CSGALNACT1: variants seen among roughly 807,000 people sequenced by gnomAD.
CSGALNACT1 encodes chondroitin sulfate N-acetylgalactosaminyltransferase 1.
Under a neutral mutation model 51.0 loss-of-function variants are expected in CSGALNACT1, and 52 were observed. The observed-to-expected ratio is 1.02, with a 90% confidence interval of 0.82 to 1.29. The LOEUF (loss-of-function observed/expected upper bound fraction) is 1.29. Ranked by LOEUF, CSGALNACT1 falls within the 50% of genes most tolerant of loss-of-function variation. The probability of loss-of-function intolerance (pLI) is 0.00; values close to 1 mark genes in which losing one functional copy is unlikely to be tolerated. For missense variants in CSGALNACT1, 935 were observed against 679.2 expected (o/e 1.38, Z -4.19); for synonymous variants, 341 against 254.4 (o/e 1.34, Z -3.24).
intron 3 of CSGALNACT1, among the ~76,000 whole-genome samples, chr8:19,540,657 C>T (rs2084888005): frequency 1.3e-5 from 2 of 152,186 alleles, no homozygotes. Flanking sequence ...CCTCAACTCT[C>T]AGCCCTTACG....
At chr8:19,454,662 C>G (rs1436447078) in intron 5 of CSGALNACT1, among the ~76,000 whole-genome samples, 1 of 152,076 alleles carries the variant, frequency 6.6e-6, no homozygotes, top group Non-Finnish European at 1.5e-5. Context: ...CAGTGAGACT[C>G]TGTCTCAAAA....
At chr8:19,662,089 C>G (rs1017223984) in intron 1 of CSGALNACT1, among the ~76,000 whole-genome samples, 1 of 114,894 alleles carries the variant, frequency 8.7e-6, no homozygotes, top group African/African-American at 3.1e-5. Context: ...CCCCCCCCCC[C>G]GCATCTTCAG....
At chr8:19,427,936 C>T (rs1434895109) in intron 6 of CSGALNACT1, among the ~76,000 whole-genome samples, 2 of 152,058 alleles carry the variant, frequency 1.3e-5, no homozygotes, top group African/African-American at 2.4e-5. Flanking sequence ...CTCCCTGTGC[C>T]CCAGGTGAGG....
At chr8:19,641,168 T>A (rs1589217589) in intron 1 of CSGALNACT1, among the ~76,000 whole-genome samples, 1 of 130,140 alleles carries the variant, frequency 7.7e-6, no homozygotes. Flanking sequence ...ACCAACCCTC[T>A]CTCTCCCCTT....
intron 8 of CSGALNACT1, among the ~76,000 whole-genome samples, chr8:19,415,880 C>T (rs766574453): frequency 4.6e-5 from 7 of 152,276 alleles, no homozygotes; most frequent in Non-Finnish European, 8.8e-5. Context: ...GAGGGTGATA[C>T]GTGCTGCTTA....
chr8:19,480,298 T>C lies in CSGALNACT1; in HGVS notation c.635-21656A>G, dbSNP rs2071000388. Among the ~76,000 whole-genome samples the C allele has an allele frequency of 2.6e-5, 4 of 152,194 alleles. No individual in the cohort carries two copies. In the South Asian group the frequency reaches 8.3e-4, roughly 32 times the overall value. On this transcript the variant is annotated intron_variant, in intron 4 of 9. Coordinates refer to ENST00000454498, the Ensembl canonical transcript of CSGALNACT1. ...CTCAGAGGTAGGCACCAGTGTGTGT[T>C]GTTGCCCTCTATGTGTCCATGTGTT...
At chr8:19,586,604 G>A (rs17480356) in intron 3 of CSGALNACT1, among the ~76,000 whole-genome samples, 2,409 of 152,136 alleles carry the variant, frequency 0.016, 38 homozygotes, top group Admixed American at 0.04. Flanking sequence ...CCAAATCAAA[G>A]GGTGAGAAAC....
chr8:19,544,358 A>T (rs2085984271), intron 3 of CSGALNACT1, among the ~76,000 whole-genome samples: 2 of 152,240 alleles, frequency 1.3e-5, no homozygotes, highest in Non-Finnish European at 2.9e-5. Context: ...TTTAAAAGAC[A>T]TTGGGAACAA....
chr8:19,675,882 C>G (rs1297798282), intron 1 of CSGALNACT1, among the ~76,000 whole-genome samples: 1 of 152,002 alleles, frequency 6.6e-6, no homozygotes, highest in African/African-American at 2.4e-5. Context: ...AGCGATATAA[C>G]AGAGACCTGA....
At chr8:19,664,971 A>C (rs1251598093) in intron 1 of CSGALNACT1, among the ~76,000 whole-genome samples, 1 of 152,168 alleles carries the variant, frequency 6.6e-6, no homozygotes, top group Non-Finnish European at 1.5e-5. Flanking sequence ...AAAAGTACAG[A>C]CTTACCACTA....
intron 1 of CSGALNACT1, among the ~76,000 whole-genome samples, chr8:19,725,202 C>T (rs1323832156): frequency 6.6e-6 from 1 of 152,196 alleles, no homozygotes; most frequent in East Asian, 1.9e-4. Context: ...AAGTCCAAGG[C>T]ACTAAGCCTT....
chr8:19,716,696 G>A (rs763979263), intron 1 of CSGALNACT1, among the ~76,000 whole-genome samples: 42 of 151,098 alleles, frequency 2.8e-4, no homozygotes, highest in Admixed American at 5.9e-4. Flanking sequence ...GGAGACTGAG[G>A]CATGAGAATC....
chr8:19,634,023 C>T lies in CSGALNACT1; in HGVS notation c.-543-32158G>A, dbSNP rs527453240. On this transcript the variant is annotated intron_variant, in intron 1 of 9. Transcript: ENST00000332246. ...TCCAGGGATGATGCCTAAAGGTCTA[C>T]GGAAAACCCATAAAGCCCCTCCTGG... Among the ~76,000 whole-genome samples the T allele has an allele frequency of 1.2e-3, 176 of 152,266 alleles. 1 individual carries two copies. The highest frequency in any genetic ancestry group is 3.9e-3 in the African/African-American group (164 of 41,550).
intron 3 of CSGALNACT1, among the ~76,000 whole-genome samples, chr8:19,565,230 A>G (rs2041657414): frequency 6.6e-6 from 1 of 152,178 alleles, no homozygotes; most frequent in Non-Finnish European, 1.5e-5. Context: ...CAACTTTCGG[A>G]AAAGTTCTAA....
At chr8:19,665,765 A>C (rs1449127855) in intron 1 of CSGALNACT1, among the ~76,000 whole-genome samples, 1 of 152,176 alleles carries the variant, frequency 6.6e-6, no homozygotes, top group African/African-American at 2.4e-5. Flanking sequence ...CTTAATTCAT[A>C]ATAGAAGGGT....
chr8:19,697,264 T>C (rs6985467), intron 1 of CSGALNACT1, among the ~76,000 whole-genome samples: 53,495 of 151,606 alleles, frequency 0.35, 9,728 homozygotes, highest in Middle Eastern at 0.44. Context: ...TTGGGAGCCA[T>C]AGAGGCAGTT....
At chr8:19,622,716 A>G (rs999878408) in intron 1 of CSGALNACT1, among the ~76,000 whole-genome samples, 1 of 152,232 alleles carries the variant, frequency 6.6e-6, no homozygotes, top group Non-Finnish European at 1.5e-5. Context: ...AACCACTACA[A>G]GAATGTAAAA....
intron 1 of CSGALNACT1, among the ~76,000 whole-genome samples, chr8:19,741,905 G>C (rs954832379): frequency 2.0e-5 from 3 of 152,126 alleles, no homozygotes; most frequent in Non-Finnish European, 4.4e-5. Context: ...CCTATCAACA[G>C]GCCGCATAGG....
chr8:19,631,924 TTC>T lies in CSGALNACT1; in HGVS notation c.-543-30061_-543-30060del, dbSNP rs142578181. On this transcript the variant is annotated intron_variant, in intron 1 of 9. Transcript: ENST00000332246. ...CCTTCTTCTATAGCTTATCCAGATG[TTC>T]TCTCACATTTTTTATGCAATCTGGG... is the stretch of plus-strand genomic sequence containing the variant. Among the ~76,000 whole-genome samples, 1,195 of 152,318 alleles carry T rather than the reference TTC, an allele frequency of 7.8e-3. 18 individuals carry two copies. The highest frequency in any genetic ancestry group is 0.027 in the African/African-American group (1,120 of 41,574).
Sources: allele counts gnomAD v4.1 joint callset (sites outside exome capture counted in the v4.1 genomes callset), GRCh38; gene constraint gnomAD v4.1.1; transcripts MANE v1.5; gene names NCBI Gene and HGNC (gene_info 2026-07-23, HGNC 2026-07-21).